The following STK33 variants were observed in gnomAD, a reference collection of about 807,000 sequenced individuals.
STK33 encodes serine/threonine kinase 33.
STK33 carries 52 observed loss-of-function variants against 58.0 expected under a neutral mutation model. The observed-to-expected ratio is 0.90, with a 90% CI of 0.72 to 1.13. The LOEUF (loss-of-function observed/expected upper bound fraction) is 1.13, where lower values mean the gene tolerates loss of function less well. Among genes scored for constraint, STK33 ranks in the 50% most tolerant of loss-of-function variants. The pLI is 0.00. For synonymous variants in STK33, 215 were observed against 200.1 expected (o/e 1.07, Z -0.63); for missense variants, 630 against 604.2 (o/e 1.04, Z -0.45).
intron 1 of STK33, among the ~76,000 whole-genome samples, chr11:8,585,377 AC>A (rs1053011155): frequency 8.7e-5 from 13 of 149,124 alleles, no homozygotes; most frequent in African/African-American, 3.0e-4. Context: ...GGCGCCCACT[AC>A]TACACCCGGC....
At chr11:8,579,949 C>G (rs896421252) in intron 1 of STK33, among the ~76,000 whole-genome samples, 2 of 151,996 alleles carry the variant, frequency 1.3e-5, no homozygotes, top group Non-Finnish European at 2.9e-5. Flanking sequence ...CGGCTTTTAT[C>G]CAAAAGACAG....
Position 8,551,934 on chromosome 11 carries a change from G to A in STK33, c.-466+42149C>T, listed in dbSNP as rs144479625. Among the ~76,000 whole-genome samples, 408 of 152,198 alleles carry A rather than the reference G, an allele frequency of 2.7e-3. 4 individuals carry two copies. Among genetic ancestry groups the A allele is most frequent in the East Asian group, 0.019 (97 of 5,172 alleles). ...TGGCACTGGCCTGTCTCTTCAACATGGTGTCCCTGCTGATTGGAGAGCTAA... is the reference window on the plus strand; with the variant it reads ...TGGCACTGGCCTGTCTCTTCAACATAGTGTCCCTGCTGATTGGAGAGCTAA... On this transcript the variant is annotated intron_variant, in intron 1 of 15. Transcript: ENST00000687296.
chr11:8,389,755 G>A (rs1269779703), downstream of STK33, among the ~76,000 whole-genome samples: 2 of 152,174 alleles, frequency 1.3e-5, no homozygotes, highest in South Asian at 2.1e-4. Flanking sequence ...ATAAGCACAA[G>A]ATGTTTTGAT....
At chr11:8,509,952 T>C (rs1295761421) in intron 1 of STK33, among the ~76,000 whole-genome samples, 1 of 152,264 alleles carries the variant, frequency 6.6e-6, no homozygotes, top group Non-Finnish European at 1.5e-5. Flanking sequence ...TTAAGAATTA[T>C]GCTGCTATAA....
At chr11:8,576,815 A>G (rs1958219187) in intron 1 of STK33, among the ~76,000 whole-genome samples, 1 of 152,210 alleles carries the variant, frequency 6.6e-6, no homozygotes, top group Non-Finnish European at 1.5e-5. Flanking sequence ...TAACATGCCA[A>G]ACTCCTAACA....
At chr11:8,422,295 T>C (rs1343255874) in intron 14 of STK33, among the ~76,000 whole-genome samples, 1 of 152,154 alleles carries the variant, frequency 6.6e-6, no homozygotes, top group Admixed American at 6.5e-5. Context: ...ATCATTGTAT[T>C]GTTGGGGATA....
At chr11:8,544,330 T>TATATATA (rs1955750530) in intron 1 of STK33, among the ~76,000 whole-genome samples, 1 of 147,776 alleles carries the variant, frequency 6.8e-6, no homozygotes. Flanking sequence ...TATATATATA[T>TATATATA]TTATAAAATT....
chr11:8,380,967 A>G, the STK33 span, among the ~76,000 whole-genome samples: 4 of 152,216 alleles, frequency 2.6e-5, no homozygotes, highest in Admixed American at 6.5e-5. Flanking sequence ...TTTTGCAGCA[A>G]TTTGGATGGA....
chr11:8,508,465 T>C (rs1952045088), intron 1 of STK33, among the ~76,000 whole-genome samples: 1 of 151,682 alleles, frequency 6.6e-6, no homozygotes, highest in Admixed American at 6.6e-5. Context: ...AGTGATGGAG[T>C]CTCCCTATGT....
intron 1 of STK33, among the ~76,000 whole-genome samples, chr11:8,515,223 G>A (rs977683844): frequency 6.6e-6 from 1 of 152,090 alleles, no homozygotes; most frequent in East Asian, 1.9e-4. Flanking sequence ...AGAAATGAAA[G>A]AAGAGATATT....
intron 1 of STK33, among the ~76,000 whole-genome samples, chr11:8,549,898 T>C (rs1956189258): frequency 6.6e-6 from 1 of 152,166 alleles, no homozygotes; most frequent in Non-Finnish European, 1.5e-5. Flanking sequence ...TTGTTGATTT[T>C]CATATTTAAA....
chr11:8,489,584 G>A (rs1332192560), intron 1 of STK33, among the ~76,000 whole-genome samples: 5 of 152,060 alleles, frequency 3.3e-5, no homozygotes, highest in Non-Finnish European at 5.9e-5. Flanking sequence ...ATTTTATCAG[G>A]AGCCCCAAGG....
chr11:8,443,181 G>C (rs1944986425), intron 11 of STK33, among the ~76,000 whole-genome samples: 1 of 152,184 alleles, frequency 6.6e-6, no homozygotes, highest in South Asian at 2.1e-4. Flanking sequence ...GACTCTCTTA[G>C]AGATCAACAG....
intron 8 of STK33, among the ~76,000 whole-genome samples, chr11:8,457,945 G>T (rs1177409589): frequency 2.6e-5 from 4 of 152,208 alleles, no homozygotes; most frequent in African/African-American, 9.7e-5. Context: ...GAACTTGGTA[G>T]GGTGGAGAAC....
the STK33 span, among the ~76,000 whole-genome samples, chr11:8,360,081 C>T: frequency 6.6e-6 from 1 of 152,252 alleles, no homozygotes; most frequent in Non-Finnish European, 1.5e-5. Flanking sequence ...TCAAAGCAGC[C>T]CCTGCCTCTT....
intron 1 of STK33, among the ~76,000 whole-genome samples, chr11:8,531,875 G>A (rs1039968477): frequency 6.6e-6 from 1 of 152,080 alleles, no homozygotes; most frequent in Non-Finnish European, 1.5e-5. Context: ...GAAGCCTAGA[G>A]GAAATAATTT....
At chr11:8,495,716 A>T (rs1951006579) in intron 1 of STK33, among the ~76,000 whole-genome samples, 1 of 152,230 alleles carries the variant, frequency 6.6e-6, no homozygotes, top group South Asian at 2.1e-4. Context: ...CATCAATGAT[A>T]GACTGGATTA....
chr11:8,421,877 C>T (rs189357615), intron 14 of STK33, among the ~76,000 whole-genome samples: 5 of 152,176 alleles, frequency 3.3e-5, no homozygotes, highest in Admixed American at 3.3e-4. Flanking sequence ...TTGTTAGTTG[C>T]TAATGAGTAG....
At chr11:8,406,331 G>A (rs1035506566) in intron 15 of STK33, among the ~76,000 whole-genome samples, 1 of 151,948 alleles carries the variant, frequency 6.6e-6, no homozygotes, top group African/African-American at 2.4e-5. Flanking sequence ...GTTCTTTTTA[G>A]GTTATTTTGT....
Sources: gnomAD v4.1 joint callset for allele counts (sites outside exome capture counted in the v4.1 genomes callset) on GRCh38, gnomAD v4.1.1 for gene constraint, MANE v1.5 for transcripts, NCBI Gene and HGNC (gene_info 2026-07-23, HGNC 2026-07-21) for gene names.